Variants in RIMS2 observed in about 807,000 individuals in gnomAD.
RIMS2 encodes the protein regulating synaptic membrane exocytosis 2.
RIMS2 carries 59 observed loss-of-function variants against 174.4 expected under a neutral mutation model. The observed-to-expected ratio is 0.34, with a 90% CI of 0.27 to 0.42. The LOEUF (loss-of-function observed/expected upper bound fraction) is 0.42. Ranked by LOEUF, RIMS2 falls within the 10% of genes least tolerant of loss-of-function variation. The pLI is 1.00. For synonymous variants in RIMS2, 606 were observed against 572.5 expected (o/e 1.06, Z -0.84); for missense variants, 1,620 against 1,666.3 (o/e 0.97, Z 0.48).
intron 19 of RIMS2, among the ~76,000 whole-genome samples, chr8:104,099,116 A>G (rs945134148): frequency 4.6e-5 from 7 of 152,318 alleles, no homozygotes; most frequent in African/African-American, 1.4e-4. Flanking sequence ...TGCCTTTATT[A>G]TCATAAATTT....
intron 8 of RIMS2, among the ~76,000 whole-genome samples, chr8:103,917,881 A>G (rs2076910246): frequency 6.6e-6 from 1 of 152,094 alleles, no homozygotes; most frequent in Admixed American, 6.6e-5. Flanking sequence ...AGGCAGGAGA[A>G]TTGCTTGAAC....
chr8:103,538,497 C>A (rs190145194), intron 1 of RIMS2, among the ~76,000 whole-genome samples: 1 of 143,850 alleles, frequency 7.0e-6, no homozygotes, highest in Admixed American at 7.0e-5. Flanking sequence ...CTCTTCCCCC[C>A]CAAGTCCCCA....
chr8:103,921,042 C>CAACAACAACA (rs1348794026), intron 9 of RIMS2: 6 of 221,702 alleles, frequency 2.7e-5, no homozygotes, highest in African/African-American at 1.5e-4. Flanking sequence ...ACAACAACAA[C>CAACAACAACA]AACAAAAACA....
At position 103,931,255 on chromosome 8, in the gene RIMS2, C is replaced by G. The variant is rs1284165749; in HGVS notation, c.2245-8C>G. 1 of 1,580,188 alleles carries G rather than the reference C, an allele frequency of 6.3e-7. No homozygotes were observed. The highest frequency in any genetic ancestry group is 8.6e-7 in the Non-Finnish European group (1 of 1,163,270). Reference sequence around the variant, plus strand: ...TTGAATTGATAAATGAATATTTTTGCTTTTCAGATAAAACTATGGTTTGAC... The same window carrying G: ...TTGAATTGATAAATGAATATTTTTGGTTTTCAGATAAAACTATGGTTTGAC... On this transcript the variant is annotated splice_polypyrimidine_tract_variant and splice_region_variant and intron_variant, in intron 11 of 23. Coordinates refer to ENST00000504942, the Ensembl canonical transcript of RIMS2.
intron 16 of RIMS2, chr8:103,976,269 C>T (rs910586186): frequency 6.6e-6 from 1 of 152,164 alleles, no homozygotes; most frequent in Non-Finnish European, 1.5e-5. Context: ...AGATGCTATA[C>T]AATAACCTAT....
chr8:103,909,115 C>T (rs2154526727), intron 4 of RIMS2, among the ~76,000 whole-genome samples: 1 of 152,152 alleles, frequency 6.6e-6, no homozygotes, highest in Admixed American at 6.5e-5. Context: ...TTCGTAGTGT[C>T]TTGTATTTTT....
chr8:103,588,176 A>G (rs2094066161), intron 1 of RIMS2, among the ~76,000 whole-genome samples: 1 of 151,974 alleles, frequency 6.6e-6, no homozygotes, highest in African/African-American at 2.4e-5. Flanking sequence ...TTAAATACCT[A>G]GAAATTAGCT....
rs558860066 is a variant in RIMS2, at chr8:103,863,107, T to C, written c.699-22191T>C. Among the ~76,000 whole-genome samples, 18 of 152,330 alleles carry C rather than the reference T, an allele frequency of 1.2e-4. No homozygotes were observed. The South Asian group carries it at 3.7e-3, about 32-fold the overall frequency. On this transcript the variant is annotated intron_variant, in intron 3 of 23. Coordinates refer to ENST00000504942, the Ensembl canonical transcript of RIMS2. ...TATGATATTGGCTGTGGGTTTGTCA[T>C]AAATAGCTCTTATTATTTTGAGGTA...
chr8:103,833,823 A>G (rs750094395), intron 3 of RIMS2, among the ~76,000 whole-genome samples: 1 of 152,038 alleles, frequency 6.6e-6, no homozygotes, highest in Non-Finnish European at 1.5e-5. Flanking sequence ...TAATTTTAAC[A>G]TCTGGGTTTG....
At chr8:103,684,544 ATTTTATTTTATTTTATTTTATTTT>A (rs2096917904) in intron 1 of RIMS2, among the ~76,000 whole-genome samples, 1 of 13,002 alleles carries the variant, frequency 7.7e-5, no homozygotes, top group Non-Finnish European at 1.1e-4. Context: ...TACTTTTTTT[ATTTTATTTTATTTTATTTTATTTT>A]ATTTTATTTT....
chr8:104,048,488 C>A (rs2096730876), intron 19 of RIMS2, among the ~76,000 whole-genome samples: 1 of 152,062 alleles, frequency 6.6e-6, no homozygotes, highest in Admixed American at 6.6e-5. Context: ...TTTAGCATAA[C>A]CTTTCTAAAA....
intron 1 of RIMS2, among the ~76,000 whole-genome samples, chr8:103,579,583 T>G (rs1272284254): frequency 6.6e-6 from 1 of 152,236 alleles, no homozygotes; most frequent in Non-Finnish European, 1.5e-5. Context: ...GTGTAGAGTT[T>G]TTTTTTCTTT....
At chr8:104,053,440 A>G (rs528034145) in intron 19 of RIMS2, among the ~76,000 whole-genome samples, 1 of 152,312 alleles carries the variant, frequency 6.6e-6, no homozygotes, top group East Asian at 1.9e-4. Flanking sequence ...CACATATTAT[A>G]TCTTCTCTTG....
chr8:103,835,623 C>A (rs2098879186), intron 3 of RIMS2, among the ~76,000 whole-genome samples: 1 of 152,084 alleles, frequency 6.6e-6, no homozygotes, highest in Non-Finnish European at 1.5e-5. Context: ...GTGGAGCTGG[C>A]TGGCCATTAT....
At chr8:103,903,272 T>G (rs58345884) in intron 4 of RIMS2, among the ~76,000 whole-genome samples, 25,075 of 152,000 alleles carry the variant, frequency 0.16, 2,192 homozygotes, top group Middle Eastern at 0.26. Context: ...AGTATATTAG[T>G]ATAGCTTTTC....
intron 19 of RIMS2, among the ~76,000 whole-genome samples, chr8:104,243,486 A>G (rs2099313233): frequency 6.6e-6 from 1 of 152,176 alleles, no homozygotes; most frequent in Non-Finnish European, 1.5e-5. Context: ...GGAGTTCAAG[A>G]CCAGCCTGGC....
intron 1 of RIMS2, among the ~76,000 whole-genome samples, chr8:103,538,725 C>T (rs1742404065): frequency 1.3e-5 from 2 of 152,146 alleles, no homozygotes; most frequent in African/African-American, 4.8e-5. Context: ...CCATGTTAGC[C>T]AGGGTGGTCT....
intron 17 of RIMS2, among the ~76,000 whole-genome samples, chr8:104,000,382 C>A (rs941493166): frequency 2.0e-5 from 3 of 151,566 alleles, no homozygotes; most frequent in African/African-American, 7.3e-5. Flanking sequence ...GCATTTCATA[C>A]CTGATTTTAT....
At chr8:103,576,239 G>A (rs1056070975) in intron 1 of RIMS2, among the ~76,000 whole-genome samples, 2 of 152,096 alleles carry the variant, frequency 1.3e-5, no homozygotes, top group African/African-American at 4.8e-5. Context: ...GGCAAACTTG[G>A]GTTTAATGCA....
Sources: allele counts gnomAD v4.1 joint callset (sites outside exome capture counted in the v4.1 genomes callset), GRCh38; gene constraint gnomAD v4.1.1; transcripts MANE v1.5; gene names NCBI Gene and HGNC (gene_info 2026-07-23, HGNC 2026-07-21).